CSMD1: variants seen among roughly 807,000 people sequenced by gnomAD.
The protein encoded by CSMD1 is CUB and sushi domain-containing protein 1.
CSMD1 carries 213 observed loss-of-function variants against 417.5 expected under a neutral mutation model. The observed-to-expected ratio is 0.51, with a 90% CI of 0.46 to 0.57. CSMD1 has a LOEUF of 0.57. CSMD1 is among the 20% of genes least tolerant of loss of function. The pLI, the probability that CSMD1 is intolerant of heterozygous loss-of-function variation, is 0.00. For missense variants in CSMD1, 6,923 were observed against 4,529.7 expected (o/e 1.53, Z -15.17); for synonymous variants, 2,862 against 1,736.8 (o/e 1.65, Z -16.11).
At chr8:3,314,978 A>G (rs1235225394) in intron 23 of CSMD1, among the ~76,000 whole-genome samples, 3 of 152,248 alleles carry the variant, frequency 2.0e-5, no homozygotes, top group Non-Finnish European at 4.4e-5. Context: ...AGCTCTGAAA[A>G]CATAACTGAA....
intron 3 of CSMD1, among the ~76,000 whole-genome samples, chr8:4,224,585 G>A (rs73184193): frequency 0.055 from 8,407 of 152,166 alleles, 305 homozygotes; most frequent in Middle Eastern, 0.088. Context: ...TGGTGCCTCC[G>A]GAGTTCCACC....
intron 3 of CSMD1, among the ~76,000 whole-genome samples, chr8:4,176,356 A>C (rs11991901): frequency 0.29 from 43,447 of 151,926 alleles, 6,548 homozygotes; most frequent in South Asian, 0.42. Context: ...ATAAATTAGT[A>C]TGACAACAAT....
At chr8:4,234,472 A>T (rs777675126) in intron 3 of CSMD1, among the ~76,000 whole-genome samples, 4 of 152,144 alleles carry the variant, frequency 2.6e-5, no homozygotes, top group Admixed American at 6.5e-5. Flanking sequence ...TGGCCATTTG[A>T]GACCTGCTTA....
intron 50 of CSMD1, among the ~76,000 whole-genome samples, chr8:3,050,641 G>A (rs34744182): frequency 1.4e-4 from 21 of 151,920 alleles, no homozygotes; most frequent in South Asian, 2.1e-4. Context: ...AAATAGTACC[G>A]TCTTAAATAG....
At chr8:3,464,851 CCT>C (rs1234912312) in intron 12 of CSMD1, among the ~76,000 whole-genome samples, 1 of 152,012 alleles carries the variant, frequency 6.6e-6, no homozygotes, top group East Asian at 1.9e-4. Flanking sequence ...ACAAAGCTTA[CCT>C]CTCTCCCATT....
chr8:3,900,908 G>A lies in CSMD1; in HGVS notation c.818+96995C>T, dbSNP rs145896745. On this transcript the variant is annotated intron_variant, in intron 5 of 69. Coordinates refer to ENST00000635120, the MANE Select transcript of CSMD1 (RefSeq NM_033225.6). ...AGGCGTTTGCTTGATCTGAGTCCTCGTGCATCCAAACACTATGGATTATTA... is the reference window on the plus strand; with the variant it reads ...AGGCGTTTGCTTGATCTGAGTCCTCATGCATCCAAACACTATGGATTATTA... 1.8e-3 allele frequency among the ~76,000 whole-genome samples: 278 copies of A among 152,222 alleles called. 1 individual carries two copies. Among genetic ancestry groups the A allele is most frequent in the African/African-American group, 6.2e-3 (257 of 41,554 alleles).
At chr8:4,172,551 A>G (rs1043664693) in intron 3 of CSMD1, among the ~76,000 whole-genome samples, 13 of 152,150 alleles carry the variant, frequency 8.5e-5, no homozygotes, top group African/African-American at 2.9e-4. Context: ...TGCAGTGGAA[A>G]GTGAGGCTCC....
chr8:4,321,552 A>G (rs1343060000), intron 3 of CSMD1, among the ~76,000 whole-genome samples: 1 of 152,154 alleles, frequency 6.6e-6, no homozygotes, highest in Non-Finnish European at 1.5e-5. Context: ...GGTATATCAC[A>G]GATATAACAG....
At chr8:3,479,522 T>G (rs925104449) in intron 11 of CSMD1, among the ~76,000 whole-genome samples, 1 of 152,206 alleles carries the variant, frequency 6.6e-6, no homozygotes, top group Non-Finnish European at 1.5e-5. Context: ...TTAGGTGATC[T>G]GCCCACCTCG....
intron 2 of CSMD1, among the ~76,000 whole-genome samples, chr8:4,630,130 C>T (rs1329433613): frequency 6.6e-6 from 1 of 152,166 alleles, no homozygotes; most frequent in Non-Finnish European, 1.5e-5. Flanking sequence ...TGTCTGAATT[C>T]ACATGCCTGT....
intron 52 of CSMD1, among the ~76,000 whole-genome samples, chr8:3,018,180 G>C (rs1031824172): frequency 1.3e-5 from 2 of 152,028 alleles, no homozygotes; most frequent in Non-Finnish European, 2.9e-5. Context: ...CAATATTTTT[G>C]AAATTCATTT....
At chr8:3,765,527 C>A (rs1391188353) in intron 5 of CSMD1, among the ~76,000 whole-genome samples, 1 of 152,232 alleles carries the variant, frequency 6.6e-6, no homozygotes, top group Non-Finnish European at 1.5e-5. Context: ...CAGACATCTT[C>A]CTCTTCTTTG....
intron 49 of CSMD1, among the ~76,000 whole-genome samples, chr8:3,053,039 C>G (rs977024748): frequency 6.6e-5 from 10 of 152,174 alleles, no homozygotes; most frequent in African/African-American, 2.4e-4. Context: ...ACCTTAGCCT[C>G]CCAAAGTGCT....
intron 51 of CSMD1, among the ~76,000 whole-genome samples, chr8:3,024,628 T>C (rs1008017639): frequency 1.3e-5 from 2 of 152,228 alleles, no homozygotes; most frequent in African/African-American, 2.4e-5. Context: ...TTTTTAAAAA[T>C]TGTGTTTTTC....
At chr8:4,034,024 A>G (rs1217191700) in intron 3 of CSMD1, among the ~76,000 whole-genome samples, 2 of 152,210 alleles carry the variant, frequency 1.3e-5, no homozygotes, top group Admixed American at 6.5e-5. Context: ...ATAAAAATGT[A>G]TTTCCAATTG....
intron 7 of CSMD1, among the ~76,000 whole-genome samples, chr8:3,657,142 T>A (rs960213430): frequency 1.1e-4 from 17 of 152,142 alleles, no homozygotes; most frequent in African/African-American, 3.6e-4. Context: ...GTCCCTAGCA[T>A]TTGGCTACAA....
chr8:3,693,664 A>G (rs957626996), intron 7 of CSMD1, among the ~76,000 whole-genome samples: 6 of 152,322 alleles, frequency 3.9e-5, no homozygotes, highest in African/African-American at 1.4e-4. Context: ...TTATTAGGTA[A>G]TAAAAAGATA....
chr8:3,392,410 C>T (rs80015198), intron 17 of CSMD1, among the ~76,000 whole-genome samples: 4 of 152,104 alleles, frequency 2.6e-5, no homozygotes, highest in Admixed American at 6.5e-5. Flanking sequence ...CCTATTTTGT[C>T]GAAGGGTGCT....
chr8:3,687,111 T>A (rs961093840), intron 7 of CSMD1, among the ~76,000 whole-genome samples: 1 of 152,228 alleles, frequency 6.6e-6, no homozygotes, highest in Non-Finnish European at 1.5e-5. Context: ...TGCAGGATCC[T>A]ATACTAATTT....
Sources: allele counts gnomAD v4.1 joint callset (sites outside exome capture counted in the v4.1 genomes callset), GRCh38; gene constraint gnomAD v4.1.1; transcripts MANE v1.5; gene names NCBI Gene and HGNC (gene_info 2026-07-23, HGNC 2026-07-21).